Variants in USP34 observed in about 807,000 individuals in gnomAD.
The protein encoded by USP34 is ubiquitin carboxyl-terminal hydrolase 34.
In USP34, 70 loss-of-function variants were observed where a neutral mutation model predicts 460.3. The observed-to-expected ratio is 0.15, with a 90% CI of 0.13 to 0.19. The LOEUF is 0.19. Among genes scored for constraint, USP34 ranks in the 10% least tolerant of loss-of-function variants. USP34 has a pLI of 1.00. For missense variants in USP34, 3,985 were observed against 4,236.2 expected, an observed-to-expected ratio of 0.94 and a Z score of 1.65; for synonymous variants, 1,647 against 1,405.3, an observed-to-expected ratio of 1.17 and a Z score of -3.85.
intron 1 of USP34, among the ~76,000 whole-genome samples, chr2:61,453,542 T>G (rs1202789434): frequency 6.6e-6 from 1 of 150,772 alleles, no homozygotes; most frequent in East Asian, 2.0e-4. Context: ...AAACCCCATC[T>G]CTACTAAAAA....
intron 1 of USP34, among the ~76,000 whole-genome samples, chr2:61,450,886 CAAAA>C (rs71405120): frequency 1.6e-5 from 2 of 127,354 alleles, no homozygotes; most frequent in African/African-American, 5.9e-5. Flanking sequence ...GGAGGAGATG[CAAAA>C]AAAAAAAAAA....
chr2:61,305,255 G>A (rs976190804), intron 27 of USP34, among the ~76,000 whole-genome samples: 3 of 152,126 alleles, frequency 2.0e-5, no homozygotes, highest in Non-Finnish European at 4.4e-5. Context: ...CCCCAAAGGC[G>A]GAGGTTGCAC....
chr2:61,298,779 T>TA (rs201811039), intron 29 of USP34, among the ~76,000 whole-genome samples: 22,004 of 146,618 alleles, frequency 0.15, 1,871 homozygotes, highest in African/African-American at 0.22. Flanking sequence ...AATGATGGAT[T>TA]AAAAAAAAAA....
At chr2:61,347,705 T>A (rs1405062815) in intron 15 of USP34, among the ~76,000 whole-genome samples, 165 bp downstream of exon 15, 2 of 152,204 alleles carry the variant, frequency 1.3e-5, no homozygotes, top group Non-Finnish European at 2.9e-5. Flanking sequence ...TTTTTAAATG[T>A]GCCCAATAGA....
intron 67 of USP34, among the ~76,000 whole-genome samples, chr2:61,218,316 GAAAA>G (rs79272493): frequency 1.1e-5 from 1 of 89,750 alleles, no homozygotes; most frequent in Non-Finnish European, 2.3e-5. Context: ...AAACTTCCAG[GAAAA>G]AAAAAAAAAA....
intron 61 of USP34, among the ~76,000 whole-genome samples, chr2:61,227,722 A>C (rs1040549456): frequency 1.8e-5 from 2 of 113,910 alleles, no homozygotes; most frequent in Non-Finnish European, 3.5e-5. Context: ...AAAACAAACA[A>C]ACAAACAAAC....
chr2:61,421,800 C>CGT (rs1356934148), intron 1 of USP34, among the ~76,000 whole-genome samples: 1 of 151,724 alleles, frequency 6.6e-6, no homozygotes, highest in East Asian at 1.9e-4. Context: ...CACACACACG[C>CGT]GCGCGCGCGC....
chr2:61,223,411 A>G (rs1005361033), intron 62 of USP34, 115 bp from the exon 63 acceptor site: 1 of 1,065,800 alleles, frequency 9.4e-7, no homozygotes, highest in Non-Finnish European at 1.3e-6. Flanking sequence ...ACCTGCCATC[A>G]TAAAATGATT....
rs1558478228 is a variant in USP34 at position 61,229,480 on chromosome 2, AAAAAAAAAC to A, written c.7199+59_7199+67del. ...CTTAAAAAAAAAAAAAAAAAACAAA[AAAAAAAAAC>A]AAAAACACCACACACACACAACACA... On this transcript the variant is annotated intron_variant, in intron 59 of 79. Transcript: ENST00000398571. The A allele has an allele frequency of 7.3e-4, 572 of 780,286 alleles. 28 individuals are homozygous for A. The highest frequency in any genetic ancestry group is 4.9e-3 in the South Asian group (125 of 25,448). 48.3% of individuals were successfully genotyped at this position (780,286 alleles called of 1,614,324 possible).
chr2:61,284,857 A>G lies in USP34; in HGVS notation c.4832+18T>C, dbSNP rs202208184. 1.4e-5 allele frequency: 22 copies of G among 1,587,700 alleles called. No individual in the cohort carries two copies. The highest frequency in any genetic ancestry group is 1.7e-5 in the Admixed American group (1 of 57,598). On this transcript the variant is annotated intron_variant, in intron 35 of 79. Coordinates refer to ENST00000398571, the MANE Select transcript of USP34 (RefSeq NM_014709.4). ...CCTGCTATACATACACACATAAAATATATCTTAAAATGCATACCTAGGAGC... is the reference window on the plus strand; with the variant it reads ...CCTGCTATACATACACACATAAAATGTATCTTAAAATGCATACCTAGGAGC...
intron 10 of USP34, among the ~76,000 whole-genome samples, chr2:61,361,970 AT>A (rs759553450): frequency 7.9e-5 from 12 of 152,000 alleles, no homozygotes; most frequent in East Asian, 1.9e-4. Context: ...TAGCAAAAAA[AT>A]AATAAATAAA....
chr2:61,265,553 A>C lies in USP34; in HGVS notation c.5622T>G (p.His1874Gln), dbSNP rs776261002. Residue 1874 changes from histidine (H) to glutamine (Q), a missense_variant, in exon 43 of 80, where the codon CAT (histidine) becomes CAG (glutamine). Physicochemically the swap from His to Gln is conservative, Grantham distance 24 (BLOSUM62 0). Transcript: ENST00000398571. ...GCCAGTAATCCCATTTATAAGGTGCATGGGCTGCTGAAGAAAGAGGGAGGA... is the reference window on the plus strand; with the variant it reads ...GCCAGTAATCCCATTTATAAGGTGCCTGGGCTGCTGAAGAAAGAGGGAGGA... ...NWVMAQHMQSHAPYKWDYWPH... is the reference protein window; with the variant it reads ...NWVMAQHMQSQAPYKWDYWPH... The C allele has an allele frequency of 4.4e-6, 7 of 1,591,006 alleles. No homozygotes were observed. The highest frequency in any genetic ancestry group is 1.3e-5 in the African/African-American group (1 of 74,378).
intron 38 of USP34, 138 bp downstream of exon 38, chr2:61,280,952 A>G: frequency 1.1e-6 from 1 of 873,924 alleles, no homozygotes; most frequent in South Asian, 1.8e-5. Flanking sequence ...CTTAAGTAGT[A>G]TATAACTACT....
rs749602495 is a variant in USP34, at chr2:61,256,881, T to C, written c.6118A>G (p.Asn2040Asp). 22 of 1,570,192 alleles carry C rather than the reference T, an allele frequency of 1.4e-5. No individual in the cohort carries two copies. Among genetic ancestry groups the C allele is most frequent in the Non-Finnish European group, 1.7e-5 (20 of 1,162,344 alleles). ...TGTGCATTATTACTCACATAAATGT[T>C]CTTCATATCAGCCACTTGGCACCTC... is the stretch of plus-strand genomic sequence containing the variant. ...TVRCQVADMK[N>D]IYESLDEVTI... The change falls in exon 47 of 80, where the codon AAC (asparagine) becomes GAC (aspartate). Residue 2040 changes from asparagine to aspartate, a missense_variant. Around this residue, in one of 14 missense-constraint regions of USP34, gnomAD observed 145 missense variants for 291.6 expected, o/e 0.50. Transcript: ENST00000398571.
chr2:61,264,812 C>T (rs547368050), intron 43 of USP34, among the ~76,000 whole-genome samples: 1 of 152,152 alleles, frequency 6.6e-6, no homozygotes, highest in Admixed American at 6.5e-5. Context: ...TTGCTTGAGG[C>T]CAGGAGTTGG....
Position 61,432,736 on chromosome 2 carries a change from GA to G in USP34, c.44-11904del, listed in dbSNP as rs958225788. Among the ~76,000 whole-genome samples the G allele has an allele frequency of 2.2e-3, 322 of 147,796 alleles. 1 individual carries two copies. Among genetic ancestry groups the G allele is most frequent in the African/African-American group, 6.4e-3 (260 of 40,410 alleles). ...AGAGAGACAATGGATAAGGTAAGGTGAAAAAAAAAACTACCCATGAGTTGGT... is the reference window on the plus strand; with the variant it reads ...AGAGAGACAATGGATAAGGTAAGGTGAAAAAAAAACTACCCATGAGTTGGT... On this transcript the variant is annotated intron_variant, in intron 1 of 79. Coordinates refer to ENST00000398571, the MANE Select transcript of USP34 (RefSeq NM_014709.4).
At chr2:61,201,468 C>T (rs1458928563) in intron 75 of USP34, among the ~76,000 whole-genome samples, 6 of 152,138 alleles carry the variant, frequency 3.9e-5, no homozygotes, top group African/African-American at 1.4e-4. Context: ...CCGCCTTGGC[C>T]TCCCAAAGTG....
rs1690489393 is a variant in USP34 at position 61,308,705 on chromosome 2, A to G, written c.3817+2835T>C. Among the ~76,000 whole-genome samples the G allele has an allele frequency of 2.6e-5, 4 of 152,302 alleles. No homozygotes were observed. The South Asian group carries it at 8.3e-4, about 32-fold the overall frequency. Reference sequence around the variant, plus strand: ...AAAGACCTATACTCAGGCCCAGAACACTAAGAAAAAAGTGAAGACTGATTA... The same window carrying G: ...AAAGACCTATACTCAGGCCCAGAACGCTAAGAAAAAAGTGAAGACTGATTA... On this transcript the variant is annotated intron_variant, in intron 27 of 79. Coordinates refer to ENST00000398571, the MANE Select transcript of USP34 (RefSeq NM_014709.4).
intron 58 of USP34, among the ~76,000 whole-genome samples, chr2:61,231,236 G>C (rs931429115): frequency 6.6e-6 from 1 of 152,004 alleles, no homozygotes; most frequent in African/African-American, 2.4e-5. Context: ...CAGGTATTGA[G>C]GAGAGAGGAC....
Sources: gnomAD v4.1 joint callset for allele counts (sites outside exome capture counted in the v4.1 genomes callset) on GRCh38, gnomAD v4.1.1 for gene constraint, gnomAD v4.1.1 regional missense constraint, MANE v1.5 for transcripts, NCBI Gene and HGNC (gene_info 2026-07-23, HGNC 2026-07-21) for gene names.